Variants in DOP1B observed in about 807,000 individuals in gnomAD.
The protein encoded by DOP1B is DOP1 leucine zipper like protein B.
DOP1B carries 174 observed loss-of-function variants against 233.5 expected under a neutral mutation model. The observed-to-expected ratio is 0.75, with a 90% confidence interval of 0.66 to 0.85. The LOEUF is 0.85. Among genes scored for constraint, DOP1B ranks in the 40% least tolerant of loss-of-function variants. The probability of loss-of-function intolerance (pLI) is 0.00; values close to 1 mark genes in which losing one functional copy is unlikely to be tolerated. For missense variants in DOP1B, 2,652 were observed against 2,846.6 expected (o/e 0.93, Z 1.56); for synonymous variants, 1,190 against 1,185.6 (o/e 1.00, Z -0.08).
At chr21:36,236,118 G>T (rs1410306746) in intron 15 of DOP1B, among the ~76,000 whole-genome samples, 4 of 152,216 alleles carry the variant, frequency 2.6e-5, no homozygotes, top group Non-Finnish European at 4.4e-5. Context: ...TATAGTCTAT[G>T]AAGTATAAGA....
chr21:36,169,001 TTC>T lies in DOP1B; in HGVS notation c.138+4133_138+4134del. ...TCCTTCTTCCTTTGCAATTCGGTCTTTCTCGAGTGGTCCCATGAATGCTTTCT... is the reference window on the plus strand; with the variant it reads ...TCCTTCTTCCTTTGCAATTCGGTCTTTCGAGTGGTCCCATGAATGCTTTCT... On this transcript the variant is annotated intron_variant, in intron 2 of 36. Coordinates refer to ENST00000691173, the MANE Select transcript of DOP1B (RefSeq NM_001320714.2). The T allele has an allele frequency of 3.2e-5, 25 of 772,138 alleles. 1 individual carries two copies. The highest frequency in any genetic ancestry group is 3.2e-4 in the South Asian group (24 of 74,456). 47.8% of individuals were successfully genotyped at this position (772,138 alleles called of 1,614,324 possible).
rs773342018 is a variant in DOP1B at position 36,223,217 on chromosome 21, C to T, written c.1251-14C>T. On this transcript the variant is annotated splice_polypyrimidine_tract_variant and intron_variant, in intron 10 of 36. Transcript: ENST00000691173. ...TTTTATAGACATATTTATTCATGTC[C>T]TCCCCTTTTACAGTGCAATCAAGGA... is the stretch of plus-strand genomic sequence containing the variant. 4.5e-6 allele frequency: 7 copies of T among 1,562,702 alleles called. No homozygotes were observed. The highest frequency in any genetic ancestry group is 2.2e-5 in the Admixed American group (1 of 45,968).
At chr21:36,226,948 G>GCAA (rs1462916732) in intron 12 of DOP1B, among the ~76,000 whole-genome samples, 1 of 152,080 alleles carries the variant, frequency 6.6e-6, no homozygotes, top group Non-Finnish European at 1.5e-5. Flanking sequence ...GCTCACGTCT[G>GCAA]TAATCCCAGC....
chr21:36,192,865 T>G (rs1414546112), intron 2 of DOP1B, among the ~76,000 whole-genome samples: 1 of 90,958 alleles, frequency 1.1e-5, no homozygotes, highest in Non-Finnish European at 2.2e-5. Context: ...TTTTTTGTAT[T>G]TTTTTAGTGG....
At chr21:36,157,766 G>T (rs906101597) in intron 1 of DOP1B, among the ~76,000 whole-genome samples, 1 of 152,152 alleles carries the variant, frequency 6.6e-6, no homozygotes, top group Non-Finnish European at 1.5e-5. Context: ...GTGGACTAAG[G>T]ATCATTATCA....
chr21:36,167,940 C>CTTTTTTTTTTTTTT (rs869190433), intron 2 of DOP1B, among the ~76,000 whole-genome samples: 3 of 40,014 alleles, frequency 7.5e-5, no homozygotes, highest in African/African-American at 1.4e-4. Context: ...TTTTCTTTTT[C>CTTTTTTTTTTTTTT]TTTTTTTTTT....
intron 10 of DOP1B, among the ~76,000 whole-genome samples, chr21:36,222,575 C>T (rs1322307122): frequency 6.7e-6 from 1 of 150,254 alleles, no homozygotes; most frequent in African/African-American, 2.4e-5. Context: ...AACAGTGAGA[C>T]TGTGTCTCAA....
At chr21:36,240,165 A>T (rs1008700339) in intron 18 of DOP1B, among the ~76,000 whole-genome samples, 1 of 151,934 alleles carries the variant, frequency 6.6e-6, no homozygotes, top group Non-Finnish European at 1.5e-5. Flanking sequence ...TCACTGAAAA[A>T]CCAGATTGTT....
At position 36,230,848 on chromosome 21, in the gene DOP1B, T is replaced by C. The variant is rs767786265; in HGVS notation, c.2064T>C (p.Thr688=). 6.2e-7 allele frequency: 1 copy of C among 1,614,116 alleles called. No individual in the cohort carries two copies. The highest frequency in any genetic ancestry group is 1.7e-5 in the Admixed American group (1 of 60,012). The change falls in exon 14 of 37, where the codon ACT becomes ACC. Residue 688 remains threonine, a synonymous_variant. Coordinates refer to ENST00000691173, the MANE Select transcript of DOP1B (RefSeq NM_001320714.2). ...ACTCTTGGGAGCCCAAGCCCATCAC[T>C]GTGCCTCAGTTCAAGCAGATGCTGT... The part of the protein sequence containing the change: ...RKNSWEPKPI[T]VPQFKQMLSD...
At position 36,192,195 on chromosome 21, in the gene DOP1B, C is replaced by CA. The variant is rs200259980; in HGVS notation, c.139-6869dup. On this transcript the variant is annotated intron_variant, in intron 2 of 36. Coordinates refer to ENST00000691173, the MANE Select transcript of DOP1B (RefSeq NM_001320714.2). ...GCAACATGGCGAAACCCCATCTCTA[C>CA]AAAAAATATAGAAATCAGCCAGGCG... Among the ~76,000 whole-genome samples, 874 of 151,930 alleles carry CA rather than the reference C, an allele frequency of 5.8e-3. 5 individuals carry two copies. Among genetic ancestry groups the CA allele is most frequent in the Middle Eastern group, 0.014 (4 of 294 alleles).
intron 2 of DOP1B, among the ~76,000 whole-genome samples, chr21:36,176,122 G>GTGTGT (rs55642925): frequency 6.6e-6 from 1 of 150,776 alleles, no homozygotes; most frequent in African/African-American, 2.5e-5. Flanking sequence ...GTGTGTGTGT[G>GTGTGT]GTGATACAGT....
intron 23 of DOP1B, among the ~76,000 whole-genome samples, chr21:36,256,036 T>C (rs2067092433): frequency 6.6e-6 from 1 of 152,354 alleles, no homozygotes; most frequent in African/African-American, 2.4e-5. Context: ...GTCTTCATCA[T>C]TGAAAGCAGC....
intron 26 of DOP1B, 32 bp downstream of exon 26, chr21:36,263,846 T>C: frequency 6.2e-7 from 1 of 1,602,582 alleles, no homozygotes; most frequent in South Asian, 1.1e-5. Flanking sequence ...AGCCAAATGA[T>C]ATTACCCCAG....
chr21:36,227,377 C>T (rs2066702300), intron 12 of DOP1B, among the ~76,000 whole-genome samples: 1 of 151,162 alleles, frequency 6.6e-6, no homozygotes, highest in African/African-American at 2.4e-5. Flanking sequence ...GAAACCCCAT[C>T]TCTACTAAAC....
intron 2 of DOP1B, among the ~76,000 whole-genome samples, chr21:36,165,967 T>G (rs2065907592): frequency 6.6e-6 from 1 of 151,294 alleles, no homozygotes; most frequent in Non-Finnish European, 1.5e-5. Context: ...TCCACCCACC[T>G]CGGCCTCCCA....
intron 27 of DOP1B, 131 bp from the exon 28 acceptor site, chr21:36,276,890 C>CCT: frequency 2.7e-6 from 2 of 732,642 alleles, no homozygotes; most frequent in Non-Finnish European, 4.5e-6. Context: ...GAGAGGAATA[C>CCT]CTGAGTCATA....
At chr21:36,243,368 C>CTTT (rs756474335) in intron 18 of DOP1B, among the ~76,000 whole-genome samples, 1 of 134,916 alleles carries the variant, frequency 7.4e-6, no homozygotes, top group Non-Finnish European at 1.6e-5. Context: ...TCCTTTTCTT[C>CTTT]TTTTTTTTTT....
At chr21:36,207,055 T>G (rs1187228046) in intron 4 of DOP1B, among the ~76,000 whole-genome samples, 1 of 152,074 alleles carries the variant, frequency 6.6e-6, no homozygotes, top group Non-Finnish European at 1.5e-5. Flanking sequence ...AGTGCCAACC[T>G]GGAGTCACTT....
chr21:36,219,283 G>A (rs2066596965), intron 9 of DOP1B, 89 bp from the exon 10 acceptor site: 1 of 1,522,006 alleles, frequency 6.6e-7, no homozygotes, highest in East Asian at 2.3e-5. Flanking sequence ...CAGGTTTACT[G>A]TATATATGTC....
Sources: allele counts gnomAD v4.1 joint callset (sites outside exome capture counted in the v4.1 genomes callset), GRCh38; gene constraint gnomAD v4.1.1; transcripts MANE v1.5; gene names NCBI Gene and HGNC (gene_info 2026-07-23, HGNC 2026-07-21).